The following ST6GALNAC3 variants were observed in gnomAD, a reference collection of about 807,000 sequenced individuals.
The protein encoded by ST6GALNAC3 is ST6 N-acetylgalactosaminide alpha-2,6-sialyltransferase 3, also known as alpha-N-acetylgalactosaminide alpha-2,6-sialyltransferase 3.
In ST6GALNAC3, 25 loss-of-function variants were observed where a neutral mutation model predicts 32.7. That is an observed-to-expected ratio of 0.76 (90% confidence interval 0.56 to 1.07). ST6GALNAC3 has a LOEUF of 1.07. ST6GALNAC3 is among the 50% of genes least tolerant of loss of function. The pLI is 0.00. For missense variants in ST6GALNAC3, 355 were observed against 382.4 expected (o/e 0.93, Z 0.60); for synonymous variants, 129 against 133.1 (o/e 0.97, Z 0.21).
intron 3 of ST6GALNAC3, among the ~76,000 whole-genome samples, chr1:76,618,391 C>T (rs575125841): frequency 1.3e-5 from 2 of 152,232 alleles, no homozygotes; most frequent in South Asian, 4.1e-4. Context: ...TCTGAGCCTT[C>T]ATCTGTGTAA....
intron 2 of ST6GALNAC3, among the ~76,000 whole-genome samples, chr1:76,353,195 C>A (rs1310946948): frequency 6.6e-6 from 1 of 152,180 alleles, no homozygotes; most frequent in Admixed American, 6.5e-5. Context: ...TCCAGCCACC[C>A]TGGCCTTCTA....
intron 3 of ST6GALNAC3, chr1:76,413,026 T>C: frequency 3.0e-6 from 1 of 328,398 alleles, no homozygotes; most frequent in Non-Finnish European, 6.0e-6. Flanking sequence ...TTCATTCAAT[T>C]ATCCAAAAAC....
intron 2 of ST6GALNAC3, among the ~76,000 whole-genome samples, chr1:76,404,303 A>G (rs886869714): frequency 6.6e-6 from 1 of 152,020 alleles, no homozygotes; most frequent in Admixed American, 6.6e-5. Context: ...GTGGAGGGGC[A>G]AGGAAGTACA....
At chr1:76,354,654 G>A (rs1009299072) in intron 2 of ST6GALNAC3, among the ~76,000 whole-genome samples, 1 of 152,198 alleles carries the variant, frequency 6.6e-6, no homozygotes, top group East Asian at 1.9e-4. Context: ...ATTTGGTGAA[G>A]TGTGTGCCTG....
At chr1:76,360,967 G>A (rs1338707638) in intron 2 of ST6GALNAC3, among the ~76,000 whole-genome samples, 1 of 152,150 alleles carries the variant, frequency 6.6e-6, no homozygotes, top group African/African-American at 2.4e-5. Context: ...AATTAAAGGA[G>A]TGAAGGCCAG....
chr1:76,478,791 C>T (rs1488859019), intron 3 of ST6GALNAC3, among the ~76,000 whole-genome samples: 1 of 111,810 alleles, frequency 8.9e-6, no homozygotes, highest in Non-Finnish European at 1.7e-5. Flanking sequence ...GAGATGAAGT[C>T]TCACTCTGTC....
At chr1:76,252,812 T>A (rs1353758480) in intron 1 of ST6GALNAC3, among the ~76,000 whole-genome samples, 1 of 152,172 alleles carries the variant, frequency 6.6e-6, no homozygotes, top group Non-Finnish European at 1.5e-5. Flanking sequence ...GTGATAGCAT[T>A]CAATTTAAAT....
intron 3 of ST6GALNAC3, among the ~76,000 whole-genome samples, chr1:76,572,511 CT>C (rs1397876851): frequency 6.6e-6 from 1 of 152,064 alleles, no homozygotes; most frequent in Non-Finnish European, 1.5e-5. Context: ...ACTTTATATC[CT>C]TATGTCACCT....
chr1:76,412,475 G>A (rs924807062), intron 3 of ST6GALNAC3, 58 bp downstream of exon 3: 64 of 1,481,190 alleles, frequency 4.3e-5, no homozygotes, highest in Middle Eastern at 1.8e-4. Context: ...CTAAATCTTC[G>A]CCAATTCCTT....
intron 1 of ST6GALNAC3, among the ~76,000 whole-genome samples, chr1:76,257,137 C>G (rs1657967712): frequency 6.6e-6 from 1 of 152,140 alleles, no homozygotes; most frequent in Non-Finnish European, 1.5e-5. Context: ...CTTCAGAGCA[C>G]ATGGTTTAAT....
Position 76,630,790 on chromosome 1 carries a change from A to C in ST6GALNAC3, c.*1984A>C. ...TTATTCTTTTGTTGTTCCCTTATGC[A>C]ATTTTTAATTCTATGAATGTTAAGT... is the stretch of plus-strand genomic sequence containing the variant. On this transcript the variant is annotated 3_prime_UTR_variant, in exon 5 of 5. Transcript: ENST00000328299. The C allele has an allele frequency of 2.2e-5, 22 of 985,688 alleles. No homozygotes were observed. Among genetic ancestry groups the C allele is most frequent in the Non-Finnish European group, 2.7e-5 (22 of 829,860 alleles). 61.1% of individuals were successfully genotyped at this position (985,688 alleles called of 1,614,324 possible). A position where few individuals can be genotyped will look rare whatever the true frequency, so the allele number is the denominator to read the frequency against.
chr1:76,326,352 C>T, intron 2 of ST6GALNAC3, among the ~76,000 whole-genome samples: 1 of 152,130 alleles, frequency 6.6e-6, no homozygotes, highest in East Asian at 1.9e-4. Context: ...CTTCACCCAC[C>T]ATGAGGTCAA....
At chr1:76,578,216 G>A (rs1482137566) in intron 3 of ST6GALNAC3, among the ~76,000 whole-genome samples, 2 of 151,808 alleles carry the variant, frequency 1.3e-5, no homozygotes, top group African/African-American at 4.8e-5. Context: ...AATCCCTATT[G>A]GTAAAACACT....
At chr1:76,238,870 G>A (rs1370266498) in intron 1 of ST6GALNAC3, among the ~76,000 whole-genome samples, 1 of 151,454 alleles carries the variant, frequency 6.6e-6, no homozygotes, top group Non-Finnish European at 1.5e-5. Flanking sequence ...TTTTTATTCA[G>A]GTATTTAAAG....
At chr1:76,484,592 A>C (rs1175305417) in intron 3 of ST6GALNAC3, among the ~76,000 whole-genome samples, 1 of 151,982 alleles carries the variant, frequency 6.6e-6, no homozygotes. Context: ...GACTTTGCTG[A>C]TGTTTCTTAT....
At chr1:76,147,411 T>C (rs1021386602) in intron 1 of ST6GALNAC3, among the ~76,000 whole-genome samples, 4 of 152,136 alleles carry the variant, frequency 2.6e-5, no homozygotes, top group African/African-American at 9.7e-5. Context: ...TTTGCCTCTT[T>C]GATTGTCTAT....
chr1:76,141,151 G>T (rs149682960), intron 1 of ST6GALNAC3, among the ~76,000 whole-genome samples: 1 of 152,230 alleles, frequency 6.6e-6, no homozygotes, highest in Non-Finnish European at 1.5e-5. Flanking sequence ...AGTCTCCTTT[G>T]TGACAGTCCC....
intron 3 of ST6GALNAC3, among the ~76,000 whole-genome samples, chr1:76,580,181 T>G (rs1311676148): frequency 2.0e-5 from 3 of 152,100 alleles, no homozygotes; most frequent in African/African-American, 7.2e-5. Flanking sequence ...TAAAATTTGT[T>G]GAAGTATTTC....
rs1359275605 is a variant in ST6GALNAC3, at chr1:76,104,988, C to T, written c.18+30104C>T. 3.3e-5 allele frequency among the ~76,000 whole-genome samples: 5 copies of T among 152,102 alleles called. No individual in the cohort carries two copies. The East Asian group carries it at 5.8e-4, about 18-fold the overall frequency. ...CTCCCACTGGGTCCCTCCCACAACA[C>T]GTGGGAATTCAAGATGAGATTTGGT... On this transcript the variant is annotated intron_variant, in intron 1 of 4. Coordinates refer to ENST00000328299, the MANE Select transcript of ST6GALNAC3 (RefSeq NM_152996.4).
Sources: gnomAD v4.1 joint callset for allele counts (sites outside exome capture counted in the v4.1 genomes callset) on GRCh38, gnomAD v4.1.1 for gene constraint, MANE v1.5 for transcripts, NCBI Gene and HGNC (gene_info 2026-07-23, HGNC 2026-07-21) for gene names.